The following TADA2A variants were observed in gnomAD, a reference collection of about 807,000 sequenced individuals.
The protein encoded by TADA2A is transcriptional adaptor 2A.
In TADA2A, 38 loss-of-function variants were observed where a neutral mutation model predicts 67.4. The ratio of observed to expected loss-of-function variants is 0.56; its 90% confidence interval spans 0.44 to 0.74. The LOEUF is 0.74. Among genes scored for constraint, TADA2A ranks in the 30% least tolerant of loss-of-function variants. The probability of loss-of-function intolerance (pLI) is 0.00; values close to 1 mark genes in which losing one functional copy is unlikely to be tolerated. For synonymous variants in TADA2A, 192 were observed against 181.6 expected (o/e 1.06, Z -0.46); for missense variants, 454 against 547.0 (o/e 0.83, Z 1.70).
intron 2 of TADA2A, among the ~76,000 whole-genome samples, chr17:37,422,321 G>A (rs1034866115): frequency 4.0e-5 from 6 of 150,470 alleles, no homozygotes; most frequent in African/African-American, 1.5e-4. Flanking sequence ...TGGGATTACA[G>A]GCATGAGCCA....
intron 15 of TADA2A, 37 bp downstream of exon 15, chr17:37,474,666 G>C: frequency 6.3e-7 from 1 of 1,581,002 alleles, no homozygotes; most frequent in Non-Finnish European, 8.6e-7. Flanking sequence ...AAGAGAATAG[G>C]GGCTGATTAT....
At chr17:37,417,776 C>A (rs1021488018) in intron 2 of TADA2A, among the ~76,000 whole-genome samples, 2 of 152,098 alleles carry the variant, frequency 1.3e-5, no homozygotes, top group African/African-American at 4.8e-5. Flanking sequence ...CTCAAGTGGT[C>A]CACCTGTCTT....
chr17:37,440,711 C>T (rs1331965657), intron 6 of TADA2A, 49 bp downstream of exon 6: 1 of 1,602,216 alleles, frequency 6.2e-7, no homozygotes, highest in Admixed American at 1.7e-5. Context: ...ATCCTTGGGC[C>T]CTGTTTCAGT....
At chr17:37,412,539 A>C (rs554896485) in intron 2 of TADA2A, among the ~76,000 whole-genome samples, 39 of 152,258 alleles carry the variant, frequency 2.6e-4, no homozygotes, top group Admixed American at 5.9e-4. Flanking sequence ...TAATCCCAGC[A>C]CTTTGGGAGG....
chr17:37,408,462 G>C (rs1245217916), intron 1 of TADA2A: 1 of 152,152 alleles, frequency 6.6e-6, no homozygotes, highest in African/African-American at 2.4e-5. Flanking sequence ...TGTTGGTCAG[G>C]CTGATCTCGA....
chr17:37,413,615 T>C (rs1259385699), intron 2 of TADA2A, among the ~76,000 whole-genome samples: 1 of 152,046 alleles, frequency 6.6e-6, no homozygotes, highest in African/African-American at 2.4e-5. Context: ...GACACAATCA[T>C]AGCCCACTGG....
At chr17:37,449,823 T>C (rs538879686) in intron 8 of TADA2A, among the ~76,000 whole-genome samples, 6 of 152,310 alleles carry the variant, frequency 3.9e-5, no homozygotes, top group South Asian at 2.1e-4. Context: ...GGTCTCACTA[T>C]GTTGCTCAGG....
At chr17:37,471,500 A>AT (rs1482518945) in intron 14 of TADA2A, among the ~76,000 whole-genome samples, 2 of 151,968 alleles carry the variant, frequency 1.3e-5, no homozygotes, top group Non-Finnish European at 2.9e-5. Flanking sequence ...TTATTTTATT[A>AT]TTTTTTATTT....
At chr17:37,455,941 C>G (rs373226939) in intron 8 of TADA2A, among the ~76,000 whole-genome samples, 2 of 152,078 alleles carry the variant, frequency 1.3e-5, no homozygotes, top group Admixed American at 6.6e-5. Context: ...CAGTAGTTCA[C>G]GCCTGTAATT....
At chr17:37,446,456 A>C (rs1292781408) in intron 8 of TADA2A, among the ~76,000 whole-genome samples, 3 of 151,994 alleles carry the variant, frequency 2.0e-5, no homozygotes, top group African/African-American at 7.2e-5. Context: ...ATTCTTTTAG[A>C]TTCTGCTCAA....
At position 37,420,916 on chromosome 17, in the gene TADA2A, C is replaced by T. The variant is rs147275906; in HGVS notation, c.26-2593C>T. ...ATAGAGAACAATTTTGCTAGGTTGC[C>T]GTGACTCCAGAGGCCGAATTTGGGG... On this transcript the variant is annotated intron_variant, in intron 2 of 15. Coordinates refer to ENST00000615182, the MANE Select transcript of TADA2A (RefSeq NM_001166105.3). Among the ~76,000 whole-genome samples, 5 of 146,710 alleles carry T rather than the reference C, an allele frequency of 3.4e-5. 2 individuals are homozygous for T. Among genetic ancestry groups the T allele is most frequent in the South Asian group, 4.5e-4 (2 of 4,486 alleles).
intron 2 of TADA2A, among the ~76,000 whole-genome samples, chr17:37,414,681 T>C (rs1215474573): frequency 6.6e-6 from 1 of 152,188 alleles, no homozygotes; most frequent in Non-Finnish European, 1.5e-5. Context: ...TAATTCATCA[T>C]CATGGGCTTT....
At chr17:37,444,595 T>A (rs981046991) in intron 7 of TADA2A, 101 bp from the exon 8 acceptor site, 1 of 965,334 alleles carries the variant, frequency 1.0e-6, no homozygotes, top group Non-Finnish European at 1.6e-6. Flanking sequence ...AACAACTGTT[T>A]GCTTGTGTTT....
intron 15 of TADA2A, 144 bp from the exon 16 acceptor site, chr17:37,476,652 TA>T: frequency 1.3e-6 from 1 of 746,678 alleles, no homozygotes; most frequent in Non-Finnish European, 2.1e-6. Flanking sequence ...AGGAAGAGAC[TA>T]AATGGAATGT....
chr17:37,455,665 G>T (rs1263492647), intron 8 of TADA2A, among the ~76,000 whole-genome samples: 2 of 152,192 alleles, frequency 1.3e-5, no homozygotes, highest in Non-Finnish European at 2.9e-5. Flanking sequence ...AGAGGCATGA[G>T]CCACTGCGCC....
intron 2 of TADA2A, 136 bp downstream of exon 2, chr17:37,411,526 G>A (rs1439748363): frequency 1.8e-5 from 15 of 810,888 alleles, no homozygotes; most frequent in Admixed American, 8.5e-5. Context: ...GGCTTTAAAC[G>A]GTTCTCCTGC....
intron 14 of TADA2A, among the ~76,000 whole-genome samples, chr17:37,472,627 C>T (rs1000068877): frequency 2.6e-5 from 4 of 151,648 alleles, no homozygotes; most frequent in African/African-American, 7.3e-5. Context: ...GAGGCTGAGG[C>T]GGGCAGATCA....
chr17:37,445,370 A>G (rs957435133), intron 8 of TADA2A, among the ~76,000 whole-genome samples: 2 of 152,110 alleles, frequency 1.3e-5, no homozygotes, highest in African/African-American at 4.8e-5. Flanking sequence ...GGTTCAAGGG[A>G]TTCTCCTGCC....
At chr17:37,426,663 C>CAAAA (rs1424101658) in intron 3 of TADA2A, 10 of 98,624 alleles carry the variant, frequency 1.0e-4, no homozygotes, top group South Asian at 8.5e-4. Flanking sequence ...GACTCCGTCT[C>CAAAA]AGAAAAAAAA....
Sources: gnomAD v4.1 joint callset for allele counts (sites outside exome capture counted in the v4.1 genomes callset) on GRCh38, gnomAD v4.1.1 for gene constraint, MANE v1.5 for transcripts, NCBI Gene and HGNC (gene_info 2026-07-23, HGNC 2026-07-21) for gene names.